The following SHROOM3 variants were observed in gnomAD, a reference collection of about 807,000 sequenced individuals.
SHROOM3 encodes shroom family member 3, also known as protein Shroom3.
In SHROOM3, 47 loss-of-function variants were observed where a neutral mutation model predicts 138.6. The observed-to-expected ratio is 0.34, with a 90% CI of 0.27 to 0.43. The LOEUF (loss-of-function observed/expected upper bound fraction) is 0.43. Among genes scored for constraint, SHROOM3 ranks in the 20% least tolerant of loss-of-function variants. The probability of loss-of-function intolerance (pLI) is 1.00; values close to 1 mark genes in which losing one functional copy is unlikely to be tolerated. For missense variants in SHROOM3, 2,491 were observed against 2,596.5 expected, an observed-to-expected ratio of 0.96 and a Z score of 0.88; for synonymous variants, 1,062 against 1,063.3, an observed-to-expected ratio of 1.00 and a Z score of 0.02.
intron 1 of SHROOM3, among the ~76,000 whole-genome samples, chr4:76,521,104 C>CTT (rs908420128): frequency 6.6e-6 from 1 of 151,470 alleles, no homozygotes; most frequent in Non-Finnish European, 1.5e-5. Context: ...TAACAGGAGT[C>CTT]TTTTTTTTTA....
chr4:76,707,743 T>C (rs1720098416), intron 2 of SHROOM3, among the ~76,000 whole-genome samples: 1 of 152,156 alleles, frequency 6.6e-6, no homozygotes, highest in South Asian at 2.1e-4. Context: ...CCAACACTCA[T>C]GCCAGGACTA....
rs544158606 is a variant in SHROOM3, at chr4:76,659,906, G to C, written c.324-50250G>C. The stretch of plus-strand genomic sequence containing the variant: ...CTGAGAAAACTTTTTTACAAAACAA[G>C]AAAAGATGGGTTCATTTTGACTGAA... On this transcript the variant is annotated intron_variant, in intron 2 of 10. Coordinates refer to ENST00000296043, the MANE Select transcript of SHROOM3 (RefSeq NM_020859.4). 6.6e-5 allele frequency among the ~76,000 whole-genome samples: 10 copies of C among 152,288 alleles called. No homozygotes were observed. In the South Asian group the frequency reaches 2.1e-3, roughly 32 times the overall value.
chr4:76,730,712 A>T, intron 3 of SHROOM3, 92 bp from the exon 4 acceptor site: 1 of 1,547,804 alleles, frequency 6.5e-7, no homozygotes, highest in Non-Finnish European at 8.9e-7. Flanking sequence ...AGGACACAGC[A>T]GTCTTCGCTT....
chr4:76,743,194 A>T (rs1163322933), intron 5 of SHROOM3, among the ~76,000 whole-genome samples: 1 of 152,180 alleles, frequency 6.6e-6, no homozygotes, highest in African/African-American at 2.4e-5. Context: ...GGGAGAGGGG[A>T]TGCATTGATG....
rs1171556958 is a variant in SHROOM3, at chr4:76,739,543, A to G, written c.1370A>G (p.Gln457Arg). Reference sequence around the variant, plus strand: ...AAGCATAACTATACCCAGAAGGCCCAACCTGGCCAACCTCTGCTGCCGACC... The same window carrying G: ...AAGCATAACTATACCCAGAAGGCCCGACCTGGCCAACCTCTGCTGCCGACC... Reference protein sequence around the residue: ...KPKHNYTQKAQPGQPLLPTSI... With the variant: ...KPKHNYTQKARPGQPLLPTSI... Residue 457 changes from glutamine (Q) to arginine (R), a missense_variant, in exon 5 of 11, where the codon CAA (glutamine) becomes CGA (arginine). By Grantham distance (43) the Gln-to-Arg change is conservative. Around this residue, in one of 4 missense-constraint regions of SHROOM3, gnomAD observed 1,733 missense variants for 1,661.6 expected, o/e 1.04. Coordinates refer to ENST00000296043, the MANE Select transcript of SHROOM3 (RefSeq NM_020859.4). 6.2e-7 allele frequency: 1 copy of G among 1,614,160 alleles called. No individual in the cohort carries two copies. Among genetic ancestry groups the G allele is most frequent in the Admixed American group, 1.7e-5 (1 of 60,024 alleles).
intron 1 of SHROOM3, among the ~76,000 whole-genome samples, chr4:76,463,323 T>A (rs1263399417): frequency 6.6e-6 from 1 of 152,180 alleles, no homozygotes; most frequent in Non-Finnish European, 1.5e-5. Flanking sequence ...GGGTATCTGG[T>A]GAAGAAATTT....
At chr4:76,612,721 T>C (rs1258905623) in intron 2 of SHROOM3, among the ~76,000 whole-genome samples, 1 of 152,150 alleles carries the variant, frequency 6.6e-6, no homozygotes, top group African/African-American at 2.4e-5. Flanking sequence ...GGAGGATCCA[T>C]TCAGCCCGGT....
chr4:76,577,632 C>G (rs1183013673), intron 2 of SHROOM3, among the ~76,000 whole-genome samples: 2 of 152,134 alleles, frequency 1.3e-5, no homozygotes, highest in East Asian at 3.9e-4. Flanking sequence ...GAAAAATGCT[C>G]CAGTCTAGGT....
intron 2 of SHROOM3, among the ~76,000 whole-genome samples, chr4:76,602,844 G>A (rs1216815929): frequency 6.6e-6 from 1 of 152,028 alleles, no homozygotes; most frequent in Non-Finnish European, 1.5e-5. Flanking sequence ...TCCTCCTGGT[G>A]CCTCGGTTTC....
chr4:76,709,034 G>A (rs544291167), intron 2 of SHROOM3, among the ~76,000 whole-genome samples: 1 of 152,304 alleles, frequency 6.6e-6, no homozygotes, highest in African/African-American at 2.4e-5. Context: ...ACTCCCTGTT[G>A]GCCTCCTGGC....
rs1167200144 is a variant in SHROOM3 at position 76,741,937 on chromosome 4, C to T, written c.3753+11C>T. On this transcript the variant is annotated intron_variant, in intron 5 of 10. Transcript: ENST00000296043. This position sits in a 1 kb window ranked among gnomAD's most constrained non-coding sequence, Gnocchi z 6.2. ...GCAGACAAGCGCCAGGTACGTGCAA[C>T]CAGCAAGTCCTGGCCTCGAACTGTC... is the stretch of plus-strand genomic sequence containing the variant. The T allele has an allele frequency of 1.9e-6, 3 of 1,611,390 alleles. No homozygotes were observed. Among genetic ancestry groups the T allele is most frequent in the Non-Finnish European group, 2.5e-6 (3 of 1,179,614 alleles).
At chr4:76,443,659 T>G (rs1730744201) in intron 1 of SHROOM3, among the ~76,000 whole-genome samples, 2 of 152,196 alleles carry the variant, frequency 1.3e-5, no homozygotes, top group Admixed American at 1.3e-4. Context: ...GATTCTCTAC[T>G]AAATCTAAGC....
chr4:76,712,218 G>T (rs1157966315), intron 3 of SHROOM3, among the ~76,000 whole-genome samples: 1 of 152,162 alleles, frequency 6.6e-6, no homozygotes, highest in Non-Finnish European at 1.5e-5. Context: ...ATGGTGATGG[G>T]ACAAGAGATG....
chr4:76,583,914 G>A (rs28454965), intron 2 of SHROOM3, among the ~76,000 whole-genome samples: 67,690 of 151,970 alleles, frequency 0.45, 15,944 homozygotes, highest in Middle Eastern at 0.54. Context: ...TTACTAAAAG[G>A]CATCCATTCT....
At chr4:76,604,596 A>T (rs910794772) in intron 2 of SHROOM3, among the ~76,000 whole-genome samples, 1 of 150,544 alleles carries the variant, frequency 6.6e-6, no homozygotes, top group African/African-American at 2.4e-5. Context: ...AAATGTTCAA[A>T]TGGTAACCGT....
chr4:76,510,119 T>C (rs184504566), intron 1 of SHROOM3, among the ~76,000 whole-genome samples: 183 of 152,310 alleles, frequency 1.2e-3, no homozygotes, highest in African/African-American at 4.2e-3. Context: ...TTAGACCCCG[T>C]ACTTTTCCTT....
chr4:76,515,516 A>G (rs942463872), intron 1 of SHROOM3, among the ~76,000 whole-genome samples: 7 of 152,100 alleles, frequency 4.6e-5, no homozygotes, highest in Admixed American at 2.6e-4. Context: ...TCAGAATGTT[A>G]TTGTTATTAT....
chr4:76,594,214 A>T (rs910617248), intron 2 of SHROOM3, among the ~76,000 whole-genome samples: 4 of 152,150 alleles, frequency 2.6e-5, no homozygotes, highest in African/African-American at 9.7e-5. Context: ...TCATCCACAA[A>T]ATGTCTAATC....
chr4:76,774,489 T>G (rs1578039156), intron 10 of SHROOM3, among the ~76,000 whole-genome samples: 1 of 152,180 alleles, frequency 6.6e-6, no homozygotes, highest in East Asian at 1.9e-4. Flanking sequence ...TAAAAAAAAT[T>G]TTTTTAATCT....
Sources: gnomAD v4.1 joint callset for allele counts (sites outside exome capture counted in the v4.1 genomes callset) on GRCh38, gnomAD v4.1.1 for gene constraint, gnomAD v4.1.1 regional missense constraint, Gnocchi (gnomAD v3.1) non-coding constraint, MANE v1.5 for transcripts, NCBI Gene and HGNC (gene_info 2026-07-23, HGNC 2026-07-21) for gene names.